TM9SF2: variants seen among roughly 807,000 people sequenced by gnomAD.
The protein encoded by TM9SF2 is transmembrane 9 superfamily member 2.
Under a neutral mutation model 84.9 loss-of-function variants are expected in TM9SF2, and 13 were observed. That is an observed-to-expected ratio of 0.15 (90% confidence interval 0.10 to 0.24). The LOEUF is 0.24. Ranked by LOEUF, TM9SF2 falls within the 10% of genes least tolerant of loss-of-function variation. The pLI is 1.00. For missense variants in TM9SF2, 562 were observed against 818.5 expected, an observed-to-expected ratio of 0.69 and a Z score of 3.82; for synonymous variants, 273 against 285.8, an observed-to-expected ratio of 0.96 and a Z score of 0.45.
intron 9 of TM9SF2, 28 bp downstream of exon 9, chr13:99,541,695 C>A: frequency 2.1e-6 from 3 of 1,430,156 alleles, no homozygotes; most frequent in South Asian, 2.4e-5. Flanking sequence ...AGTCTTTAGT[C>A]TGCCAAGGAC....
At chr13:99,535,448 A>G (rs2046229715) in intron 4 of TM9SF2, among the ~76,000 whole-genome samples, 1 of 152,212 alleles carries the variant, frequency 6.6e-6, no homozygotes. Flanking sequence ...CAATTAACGG[A>G]TTCGTTAAGC....
intron 15 of TM9SF2, among the ~76,000 whole-genome samples, chr13:99,556,334 T>G (rs2046324445): frequency 6.6e-6 from 1 of 152,176 alleles, no homozygotes; most frequent in Non-Finnish European, 1.5e-5. Flanking sequence ...CCACCTCTGT[T>G]TAGTTCCAAA....
intron 1 of TM9SF2, among the ~76,000 whole-genome samples, chr13:99,510,593 T>C (rs1002731921): frequency 8.6e-5 from 13 of 151,776 alleles, no homozygotes; most frequent in Non-Finnish European, 1.3e-4. Flanking sequence ...CAAGAGAGAG[T>C]GGGGGCAGGT....
Position 99,543,844 on chromosome 13 carries a change from G to A in TM9SF2, c.1018-19G>A. 2 of 1,613,102 alleles carry A rather than the reference G, an allele frequency of 1.2e-6. No individual in the cohort carries two copies. The highest frequency in any genetic ancestry group is 8.5e-7 in the Non-Finnish European group (1 of 1,179,408). ...GTTGATACCATGAGACAATCGAACT[G>A]ATTTCATTCCCCTTTTAGGAAGATG... On this transcript the variant is annotated intron_variant, in intron 9 of 16. Transcript: ENST00000376387.
chr13:99,527,448 T>G (rs1050424043), intron 3 of TM9SF2, among the ~76,000 whole-genome samples: 13 of 152,132 alleles, frequency 8.5e-5, no homozygotes, highest in Admixed American at 6.6e-4. Context: ...AGAAAGCCCC[T>G]TATAAAACCA....
At chr13:99,505,976 T>C (rs2046087220) in intron 1 of TM9SF2, among the ~76,000 whole-genome samples, 2 of 152,260 alleles carry the variant, frequency 1.3e-5, no homozygotes, top group South Asian at 2.1e-4. Flanking sequence ...AGATTTTTTT[T>C]CCTTTGCTGT....
intron 2 of TM9SF2, chr13:99,519,554 TCAC>T (rs2046150100): frequency 6.4e-6 from 1 of 155,404 alleles, no homozygotes; most frequent in Non-Finnish European, 1.4e-5. Context: ...ACAGCACTCT[TCAC>T]AGAGGGTCTT....
intron 12 of TM9SF2, among the ~76,000 whole-genome samples, chr13:99,550,552 A>C (rs1262066696): frequency 3.3e-5 from 5 of 152,088 alleles, no homozygotes; most frequent in Non-Finnish European, 5.9e-5. Flanking sequence ...GATGTTCTTC[A>C]TCCTACTCTT....
At chr13:99,551,530 T>C (rs2046305537) in intron 12 of TM9SF2, among the ~76,000 whole-genome samples, 1 of 152,228 alleles carries the variant, frequency 6.6e-6, no homozygotes, top group Non-Finnish European at 1.5e-5. Context: ...CTTTCTTCTC[T>C]TAAGCAGAGT....
At chr13:99,516,350 C>T (rs2046134674) in intron 1 of TM9SF2, among the ~76,000 whole-genome samples, 1 of 152,198 alleles carries the variant, frequency 6.6e-6, no homozygotes, top group African/African-American at 2.4e-5. Context: ...ACAAGTGTGG[C>T]TCCGTGGCAC....
intron 3 of TM9SF2, among the ~76,000 whole-genome samples, chr13:99,529,030 GACACTT>G (rs142890209): frequency 0.032 from 4,817 of 152,228 alleles, 109 homozygotes; most frequent in Middle Eastern, 0.11. Context: ...TCTATCACCT[GACACTT>G]AAGGAGGGCA....
At chr13:99,519,961 C>A in intron 2 of TM9SF2, 75 bp from the exon 3 acceptor site, 2 of 1,302,946 alleles carry the variant, frequency 1.5e-6, no homozygotes, top group Non-Finnish European at 1.1e-6. Context: ...ACCTAATCTG[C>A]TCTCAAGATT....
intron 7 of TM9SF2, among the ~76,000 whole-genome samples, chr13:99,540,219 C>A (rs928003945): frequency 6.6e-6 from 1 of 151,922 alleles, no homozygotes; most frequent in Non-Finnish European, 1.5e-5. Context: ...TTTTGGCAAT[C>A]CAATATAGTT....
At chr13:99,548,595 G>A (rs1356570935) in intron 11 of TM9SF2, among the ~76,000 whole-genome samples, 1 of 152,176 alleles carries the variant, frequency 6.6e-6, no homozygotes, top group Non-Finnish European at 1.5e-5. Context: ...AAGTTGGAGA[G>A]GGGCAAAGGA....
At chr13:99,537,666 C>T in intron 5 of TM9SF2, 73 bp from the exon 6 acceptor site, 4 of 1,227,870 alleles carry the variant, frequency 3.3e-6, no homozygotes, top group Non-Finnish European at 3.4e-6. Context: ...TGTTGTAGCC[C>T]ATTTTAAAGT....
In TM9SF2 at chr13:99,563,934, T is replaced by C. The variant is rs1209981753; in HGVS notation, c.*1176T>C. On this transcript the variant is annotated 3_prime_UTR_variant, in exon 17 of 17. Coordinates refer to ENST00000376387, the MANE Select transcript of TM9SF2 (RefSeq NM_004800.3). ...TTGTATCTGTGAGCATATTCATTTG[T>C]ATTTTAGGGTCTCTCTGCTTGCTGC... The C allele has an allele frequency of 6.6e-6, 1 of 152,242 alleles. No individual in the cohort carries two copies. Among genetic ancestry groups the C allele is most frequent in the Non-Finnish European group, 1.5e-5 (1 of 68,044 alleles). 9.4% of individuals were successfully genotyped at this position (152,242 alleles called of 1,614,324 possible).
chr13:99,505,062 T>G (rs1433898207), intron 1 of TM9SF2, among the ~76,000 whole-genome samples: 1 of 152,242 alleles, frequency 6.6e-6, no homozygotes, highest in African/African-American at 2.4e-5. Context: ...AATGATAGGT[T>G]TGATTTCCTT....
At position 99,552,326 on chromosome 13, in the gene TM9SF2, T is replaced by A; in HGVS notation, c.1488T>A (p.Asn496Lys). 2 of 1,613,050 alleles carry A rather than the reference T, an allele frequency of 1.2e-6. No individual in the cohort carries two copies. ...FIGAYFGFKK[N>K]AIEHPVRTNQ... is the part of the protein sequence containing the mutation. ...GTGCATACTTTGGTTTTAAGAAGAA[T>A]GTAAGTTTATAGGTGTTAACTTATT... Residue 496 changes from asparagine to lysine, a missense_variant and splice_region_variant, in exon 13 of 17, where the codon AAT becomes AAA. By Grantham distance (94) the Asn-to-Lys change is moderately conservative. Transcript: ENST00000376387.
chr13:99,540,152 A>G (rs969358937), intron 7 of TM9SF2, among the ~76,000 whole-genome samples: 15 of 152,296 alleles, frequency 9.8e-5, no homozygotes, highest in African/African-American at 3.4e-4. Flanking sequence ...TTAAAATGCA[A>G]GTTTATCATT....
Sources: gnomAD v4.1 joint callset for allele counts (sites outside exome capture counted in the v4.1 genomes callset) on GRCh38, gnomAD v4.1.1 for gene constraint, MANE v1.5 for transcripts, NCBI Gene and HGNC (gene_info 2026-07-23, HGNC 2026-07-21) for gene names.